Variants in HDAC9 observed in about 807,000 individuals in gnomAD.
HDAC9 encodes the protein MEF-2 interacting transcription repressor (MITR) protein.
A neutral mutation model predicts 139.4 loss-of-function variants in HDAC9; 41 were observed. The ratio of observed to expected loss-of-function variants is 0.29; its 90% CI spans 0.23 to 0.38. The LOEUF (loss-of-function observed/expected upper bound fraction) is 0.38, where lower values mean the gene tolerates loss of function less well. Ranked by LOEUF, HDAC9 falls within the 10% of genes least tolerant of loss-of-function variation. HDAC9 has a pLI of 1.00. For synonymous variants in HDAC9, 517 were observed against 476.2 expected (o/e 1.09, Z -1.12); for missense variants, 1,147 against 1,297.0 (o/e 0.88, Z 1.78).
intron 24 of HDAC9, among the ~76,000 whole-genome samples, chr7:18,955,339 G>A (rs1783076640): frequency 6.6e-6 from 1 of 152,000 alleles, no homozygotes; most frequent in Non-Finnish European, 1.5e-5. Context: ...TCTATTACAT[G>A]TCATTCTAGA....
At chr7:18,765,956 A>G (rs1789797980) in intron 15 of HDAC9, among the ~76,000 whole-genome samples, 1 of 152,086 alleles carries the variant, frequency 6.6e-6, no homozygotes, top group Non-Finnish European at 1.5e-5. Flanking sequence ...TTTCTTTATC[A>G]TCTTCCATCT....
At chr7:18,872,845 A>G (rs1799034349) in intron 21 of HDAC9, among the ~76,000 whole-genome samples, 1 of 152,128 alleles carries the variant, frequency 6.6e-6, no homozygotes, top group African/African-American at 2.4e-5. Context: ...TGACCTTCTG[A>G]TAGAGGGAAA....
At chr7:18,335,536 A>G (rs1410725839) in intron 1 of HDAC9, among the ~76,000 whole-genome samples, 1 of 151,550 alleles carries the variant, frequency 6.6e-6, no homozygotes, top group Non-Finnish European at 1.5e-5. Flanking sequence ...TTAACTTGCA[A>G]GAGTCTATTG....
At chr7:18,183,601 G>A (rs186740717) in intron 2 of HDAC9, among the ~76,000 whole-genome samples, 2 of 152,252 alleles carry the variant, frequency 1.3e-5, no homozygotes, top group Admixed American at 1.3e-4. Context: ...AAGAAGATTG[G>A]CAGAACACTT....
intron 17 of HDAC9, among the ~76,000 whole-genome samples, chr7:18,828,482 C>G (rs1253817052): frequency 6.6e-6 from 1 of 152,202 alleles, no homozygotes; most frequent in Non-Finnish European, 1.5e-5. Context: ...ATGGATAGAT[C>G]TGCTTGCTTC....
At chr7:18,339,323 C>T (rs1276209573) in intron 1 of HDAC9, among the ~76,000 whole-genome samples, 1 of 151,288 alleles carries the variant, frequency 6.6e-6, no homozygotes, top group Non-Finnish European at 1.5e-5. Flanking sequence ...TCATGTGCTT[C>T]TCTTTTTCTA....
chr7:18,610,283 C>G (rs192266639), intron 6 of HDAC9, among the ~76,000 whole-genome samples: 2 of 152,212 alleles, frequency 1.3e-5, no homozygotes, highest in African/African-American at 4.8e-5. Flanking sequence ...TTCCTAGTGT[C>G]CAGCTGCTTA....
Position 18,589,501 on chromosome 7 carries a change from T to A in HDAC9, c.265-835T>A, listed in dbSNP as rs114278277. Reference sequence around the variant, plus strand: ...GTGAGCTATAATGGTGCCACTGCAATCCAGCCTGGGCAACAGAGTGAGACC... The same window carrying A: ...GTGAGCTATAATGGTGCCACTGCAAACCAGCCTGGGCAACAGAGTGAGACC... On this transcript the variant is annotated intron_variant, in intron 3 of 25. Transcript: ENST00000686413. Among the ~76,000 whole-genome samples the A allele has an allele frequency of 6.0e-3, 913 of 152,186 alleles. 7 individuals carry two copies. The highest frequency in any genetic ancestry group is 0.021 in the African/African-American group (876 of 41,528).
At position 18,715,479 on chromosome 7, in the gene HDAC9, G is replaced by A. The variant is rs1046647403; in HGVS notation, c.1732-12101G>A. ...AGAGATAAAGTCAAACTTTTCTTGAGTTAGACATGCTTGGTAATTTATACA... is the reference window on the plus strand; with the variant it reads ...AGAGATAAAGTCAAACTTTTCTTGAATTAGACATGCTTGGTAATTTATACA... On this transcript the variant is annotated intron_variant, in intron 12 of 25. Transcript: ENST00000686413. Among the ~76,000 whole-genome samples, 4 of 152,210 alleles carry A rather than the reference G, an allele frequency of 2.6e-5. No individual in the cohort carries two copies. In the East Asian group the frequency reaches 7.7e-4, roughly 29 times the overall value.
At chr7:18,589,178 G>GAT (rs1830271632) in intron 3 of HDAC9, among the ~76,000 whole-genome samples, 1 of 151,964 alleles carries the variant, frequency 6.6e-6, no homozygotes, top group Non-Finnish European at 1.5e-5. Flanking sequence ...ATAGTTCATA[G>GAT]ATATATATTT....
chr7:18,098,876 T>C (rs1782675727), intron 1 of HDAC9, among the ~76,000 whole-genome samples: 1 of 152,192 alleles, frequency 6.6e-6, no homozygotes, highest in Non-Finnish European at 1.5e-5. Context: ...TATCTTCTTA[T>C]TGCTTTCATA....
chr7:18,325,367 C>T (rs911879135), intron 1 of HDAC9: 1 of 152,112 alleles, frequency 6.6e-6, no homozygotes, highest in African/African-American at 2.4e-5. Flanking sequence ...AATTATCCTC[C>T]TTTTAATAGG....
chr7:18,145,435 A>G (rs1203030115), intron 1 of HDAC9, among the ~76,000 whole-genome samples: 1 of 152,214 alleles, frequency 6.6e-6, no homozygotes, highest in African/African-American at 2.4e-5. Context: ...TATTATCCAG[A>G]CATATGTCAA....
chr7:18,639,268 G>A (rs944652113), intron 8 of HDAC9, among the ~76,000 whole-genome samples: 3 of 152,012 alleles, frequency 2.0e-5, no homozygotes, highest in African/African-American at 7.2e-5. Context: ...CTGAGTGGGT[G>A]TAGAGCTGTG....
intron 22 of HDAC9, among the ~76,000 whole-genome samples, chr7:18,916,022 G>GAAAAAAAAAAAAAAAAAAAAAAAAA (rs55866735): frequency 1.4e-5 from 2 of 138,120 alleles, no homozygotes; most frequent in African/African-American, 5.3e-5. Flanking sequence ...CCCCCCGCTG[G>GAAAAAAAAAAAAAAAAAAAAAAAAA]AAAAAAAAAA....
intron 21 of HDAC9, among the ~76,000 whole-genome samples, chr7:18,836,334 T>G (rs954273182): frequency 6.6e-6 from 1 of 152,202 alleles, no homozygotes; most frequent in Non-Finnish European, 1.5e-5. Context: ...AGTCCTTCAT[T>G]ACCTATTTGA....
rs183675274 is a variant in HDAC9 at position 18,092,257 on chromosome 7, G to A, written c.-97+5044G>A. 2.9e-3 allele frequency among the ~76,000 whole-genome samples: 434 copies of A among 152,226 alleles called. 3 individuals carry two copies. Among genetic ancestry groups the A allele is most frequent in the African/African-American group, 9.4e-3 (389 of 41,540 alleles). ...CAGAAAAAATTACCTGAACGTGATG[G>A]TGTGTGCCTGAAGTCCCAGCTAGTT... On this transcript the variant is annotated intron_variant, in intron 1 of 12. Transcript: ENST00000417496.
intron 1 of HDAC9, among the ~76,000 whole-genome samples, chr7:18,144,181 G>A (rs1786122548): frequency 6.6e-6 from 1 of 151,916 alleles, no homozygotes; most frequent in South Asian, 2.1e-4. Flanking sequence ...AGAAAATTTG[G>A]AAATAAAAAA....
intron 2 of HDAC9, among the ~76,000 whole-genome samples, chr7:18,521,352 T>G (rs913306324): frequency 6.6e-6 from 1 of 152,190 alleles, no homozygotes; most frequent in Non-Finnish European, 1.5e-5. Flanking sequence ...AGGGTACAGA[T>G]TTTTAAGAAG....
Sources: gnomAD v4.1 joint callset for allele counts (sites outside exome capture counted in the v4.1 genomes callset) on GRCh38, gnomAD v4.1.1 for gene constraint, MANE v1.5 for transcripts, NCBI Gene and HGNC (gene_info 2026-07-23, HGNC 2026-07-21) for gene names.